KDM5B: variants seen among roughly 807,000 people sequenced by gnomAD.
KDM5B encodes lysine demethylase 5B.
A neutral mutation model predicts 193.4 loss-of-function variants in KDM5B; 144 were observed. The observed-to-expected ratio is 0.74, with a 90% CI of 0.65 to 0.86. The LOEUF is 0.86. Ranked by LOEUF, KDM5B falls within the 40% of genes least tolerant of loss-of-function variation. KDM5B has a pLI of 0.00. For missense variants in KDM5B, 1,833 were observed against 1,886.9 expected, an observed-to-expected ratio of 0.97 and a Z score of 0.53; for synonymous variants, 668 against 682.6, an observed-to-expected ratio of 0.98 and a Z score of 0.33.
At chr1:202,781,134 T>C (rs995419644) in intron 1 of KDM5B, among the ~76,000 whole-genome samples, 1 of 152,132 alleles carries the variant, frequency 6.6e-6, no homozygotes, top group Non-Finnish European at 1.5e-5. Context: ...TCTATCCGTC[T>C]CTACCAAAAA....
At position 202,767,073 on chromosome 1, in the gene KDM5B, A is replaced by G; in HGVS notation, c.577-13T>C. On this transcript the variant is annotated splice_polypyrimidine_tract_variant and intron_variant, in intron 4 of 26. Transcript: ENST00000367265. ...GCTTCTGCAAACACTAGAAATAACA[A>G]CTGTACTGATAAATTCCCTCCTTTT... 1 of 1,605,968 alleles carries G rather than the reference A, an allele frequency of 6.2e-7. No homozygotes were observed. The highest frequency in any genetic ancestry group is 8.5e-7 in the Non-Finnish European group (1 of 1,178,386).
intron 1 of KDM5B, among the ~76,000 whole-genome samples, chr1:202,781,309 T>C (rs1052630201): frequency 2.0e-5 from 3 of 152,142 alleles, no homozygotes; most frequent in Non-Finnish European, 4.4e-5. Context: ...CTAAAATAAA[T>C]ACATAAATGA....
intron 8 of KDM5B, 92 bp downstream of exon 8, chr1:202,760,323 T>TAAAAC (rs771824273): frequency 1.1e-6 from 1 of 884,976 alleles, no homozygotes; most frequent in South Asian, 1.9e-5. Context: ...CTAAAAAAAA[T>TAAAAC]AAAATAAAAT....
chr1:202,733,888 T>G lies in KDM5B; in HGVS notation c.3424-2A>C. The G allele has an allele frequency of 6.2e-7, 1 of 1,601,620 alleles. No individual in the cohort carries two copies. The highest frequency in any genetic ancestry group is 8.5e-7 in the Non-Finnish European group (1 of 1,174,134). On this transcript the variant is annotated splice_acceptor_variant, in intron 22 of 26. Transcript: ENST00000367265. LOFTEE classifies it high-confidence loss of function. The stretch of plus-strand genomic sequence containing the variant: ...GCGAGCTTCCCCAAGAGTTGCCATC[T>G]GAAAAAGAGTTAACAATCAAGGATG...
chr1:202,786,623 C>T (rs1010878284), intron 1 of KDM5B, among the ~76,000 whole-genome samples: 4 of 152,306 alleles, frequency 2.6e-5, no homozygotes, highest in Admixed American at 2.0e-4. Flanking sequence ...TAATACCATG[C>T]CATTTCCTGT....
chr1:202,746,556 C>A, intron 14 of KDM5B: 1 of 418,618 alleles, frequency 2.4e-6, no homozygotes, highest in Non-Finnish European at 4.2e-6. Context: ...TATGTTTGGT[C>A]ATTTTGATCT....
intron 2 of KDM5B, among the ~76,000 whole-genome samples, chr1:202,775,637 C>G (rs1476341046): frequency 1.3e-5 from 2 of 151,448 alleles, no homozygotes; most frequent in African/African-American, 4.9e-5. Flanking sequence ...GGGCAGATCA[C>G]TTGAGGCCAG....
At chr1:202,748,801 C>A in intron 14 of KDM5B, 144 bp downstream of exon 14, 3 of 579,132 alleles carry the variant, frequency 5.2e-6, no homozygotes, top group Non-Finnish European at 8.7e-6. Flanking sequence ...AAATTAAAAC[C>A]ACGAGATACT....
In KDM5B at chr1:202,746,338, A is replaced by C; in HGVS notation, c.2017-15T>G. ...TCAATCACTCCCTAGAATAAAGTAT[A>C]CTTTAGAGAGACCTCCAAAGGATAA... On this transcript the variant is annotated splice_polypyrimidine_tract_variant and intron_variant, in intron 14 of 26. Coordinates refer to ENST00000367265, the MANE Select transcript of KDM5B (RefSeq NM_006618.5). The C allele has an allele frequency of 6.4e-7, 1 of 1,565,962 alleles. No individual in the cohort carries two copies. Among genetic ancestry groups the C allele is most frequent in the Non-Finnish European group, 8.7e-7 (1 of 1,152,670 alleles).
chr1:202,747,003 C>T (rs2363965), intron 14 of KDM5B, among the ~76,000 whole-genome samples: 102,299 of 152,048 alleles, frequency 0.67, 37,041 homozygotes, highest in Admixed American at 0.82. Flanking sequence ...TTCTTGGATA[C>T]ACCTTTTGTC....
intron 1 of KDM5B, 89 bp downstream of exon 1, chr1:202,808,013 G>A: frequency 7.6e-7 from 1 of 1,316,554 alleles, no homozygotes; most frequent in Non-Finnish European, 1.0e-6. Flanking sequence ...CCGGCTCCCC[G>A]CCCCCCGCGC....
intron 1 of KDM5B, chr1:202,796,098 G>T: frequency 4.7e-6 from 1 of 210,854 alleles, no homozygotes; most frequent in South Asian, 6.7e-5. Flanking sequence ...CAAGGGCTGT[G>T]GTCACCTCCT....
intron 5 of KDM5B, among the ~76,000 whole-genome samples, chr1:202,765,120 A>G (rs376507766): frequency 5.0e-4 from 76 of 152,350 alleles, no homozygotes; most frequent in African/African-American, 1.8e-3. Context: ...TATAAATGTC[A>G]TAACTCCATT....
intron 12 of KDM5B, 53 bp downstream of exon 12, chr1:202,752,852 A>C: frequency 6.6e-7 from 1 of 1,509,796 alleles, no homozygotes; most frequent in East Asian, 2.3e-5. Flanking sequence ...AAAAAGGAAA[A>C]AGAGAAGTGG....
Position 202,774,690 on chromosome 1 carries a change from A to C in KDM5B, c.328T>G (p.Tyr110Asp). The C allele has an allele frequency of 6.2e-7, 1 of 1,613,010 alleles. No homozygotes were observed. The highest frequency in any genetic ancestry group is 8.5e-7 in the Non-Finnish European group (1 of 1,179,002). ...KLNFLDQIAK[Y>D]WELQGSTLKI... ...AGAGTACTTCCCTGTAACTCCCAGT[A>C]CTTTGCAATCTGGTCCAAGAAATTC... Residue 110 changes from tyrosine (Y) to aspartate (D), a missense_variant, in exon 3 of 27, where the codon TAC (tyrosine) becomes GAC (aspartate). Physicochemically the swap from Tyr to Asp is radical, Grantham distance 160. This residue lies in a region of KDM5B where 355 missense variants were observed against 374.9 expected (regional missense o/e 0.95). Transcript: ENST00000367265.
chr1:202,786,968 C>A (rs1657439250), intron 1 of KDM5B, among the ~76,000 whole-genome samples: 1 of 152,138 alleles, frequency 6.6e-6, no homozygotes, highest in South Asian at 2.1e-4. Context: ...AAGCTAAGAT[C>A]TTAGCTTTAT....
rs547304172 is a variant in KDM5B, at chr1:202,733,620, C to T, written c.3690G>A (p.Glu1230=). The T allele has an allele frequency of 1.2e-6, 2 of 1,614,146 alleles. No homozygotes were observed. Among genetic ancestry groups the T allele is most frequent in the East Asian group, 2.2e-5 (1 of 44,888 alleles). ...HCRRSEKPPL[E]KILPLLASLQ... ...GGGAGGCGAGCAGGGGCAGAATTTT[C>T]TCTAATGGAGGTTTCTCTGACCTCC... The change falls in exon 23 of 27, where the codon GAG becomes GAA. Residue 1230 remains glutamate, a synonymous_variant. Coordinates refer to ENST00000367265, the MANE Select transcript of KDM5B (RefSeq NM_006618.5).
intron 6 of KDM5B, 97 bp downstream of exon 6, chr1:202,763,952 A>T: frequency 1.3e-6 from 1 of 749,960 alleles, no homozygotes; most frequent in Admixed American, 3.0e-5. Context: ...TTACTTTTTA[A>T]TTTTTTTCTA....
At chr1:202,740,094 G>A (rs910132552) in intron 20 of KDM5B, among the ~76,000 whole-genome samples, 3 of 150,070 alleles carry the variant, frequency 2.0e-5, no homozygotes, top group South Asian at 2.1e-4. Context: ...GCGGCTGGCC[G>A]GGCATGGGGC....
Sources: allele counts gnomAD v4.1 joint callset (sites outside exome capture counted in the v4.1 genomes callset), GRCh38; gene constraint gnomAD v4.1.1; regional missense constraint gnomAD v4.1.1; transcripts MANE v1.5; gene names NCBI Gene and HGNC (gene_info 2026-07-23, HGNC 2026-07-21).